Variants in BCAS1 observed in about 807,000 individuals in gnomAD.
BCAS1 encodes the protein breast carcinoma-amplified sequence 1.
BCAS1 carries 46 observed loss-of-function variants against 65.4 expected under a neutral mutation model. The ratio of observed to expected loss-of-function variants is 0.70; its 90% confidence interval spans 0.55 to 0.90. The LOEUF is 0.90. Among genes scored for constraint, BCAS1 ranks in the 40% least tolerant of loss-of-function variants. The probability of loss-of-function intolerance (pLI) is 0.00; values close to 1 mark genes in which losing one functional copy is unlikely to be tolerated. For synonymous variants in BCAS1, 298 were observed against 293.5 expected, an observed-to-expected ratio of 1.02 and a Z score of -0.16; for missense variants, 793 against 771.2, an observed-to-expected ratio of 1.03 and a Z score of -0.33.
intron 8 of BCAS1, among the ~76,000 whole-genome samples, chr20:53,983,569 G>A (rs1428007662): frequency 6.6e-6 from 1 of 152,168 alleles, no homozygotes; most frequent in African/African-American, 2.4e-5. Context: ...ATCTGTAGCA[G>A]CCATGGAAGT....
intron 3 of BCAS1, among the ~76,000 whole-genome samples, chr20:54,043,546 A>G (rs2092040342): frequency 6.6e-6 from 1 of 152,156 alleles, no homozygotes; most frequent in African/African-American, 2.4e-5. Context: ...CAGGGCAGCC[A>G]TCCTTGAAGC....
At chr20:53,996,916 C>T (rs1233247572) in intron 4 of BCAS1, among the ~76,000 whole-genome samples, 1 of 152,200 alleles carries the variant, frequency 6.6e-6, no homozygotes, top group Non-Finnish European at 1.5e-5. Context: ...CATTTTCTGG[C>T]CCACTTTCTT....
In BCAS1 at chr20:53,953,422, A is replaced by C; in HGVS notation, c.1815+10T>G. 4 of 1,612,226 alleles carry C rather than the reference A, an allele frequency of 2.5e-6. No homozygotes were observed. Among genetic ancestry groups the C allele is most frequent in the Non-Finnish European group, 3.4e-6 (4 of 1,179,192 alleles). ...AGCCCAGAAAGAAGAGGCAAAAAAA[A>C]TCCACCTACCAGGCCTTTAAAGAAG... On this transcript the variant is annotated intron_variant, in intron 12 of 12. Coordinates refer to ENST00000688948, the MANE Select transcript of BCAS1 (RefSeq NM_001366298.2).
rs777772152 is a variant in BCAS1 at position 53,953,574 on chromosome 20, T to C, written c.1673A>G (p.Lys558Arg). ...TTCTTTGGCTTCCTGCTTGTTGCTC[T>C]TCTGCTTGTTCATCTCGGCTGCTGA... is the stretch of plus-strand genomic sequence containing the variant. ...KKSAAEMNKQ[K>R]SNKQEAKEPA... Residue 558 changes from lysine (K) to arginine (R), a missense_variant, in exon 12 of 13, where the codon AAG becomes AGG. Lys to Arg is a conservative substitution (Grantham distance 26). Coordinates refer to ENST00000688948, the MANE Select transcript of BCAS1 (RefSeq NM_001366298.2). 16 of 1,613,818 alleles carry C rather than the reference T, an allele frequency of 9.9e-6. No homozygotes were observed. In the South Asian group the frequency reaches 1.6e-4, roughly 17 times the overall value.
At chr20:53,961,830 G>A (rs2089886611) in intron 10 of BCAS1, among the ~76,000 whole-genome samples, 1 of 152,120 alleles carries the variant, frequency 6.6e-6, no homozygotes, top group African/African-American at 2.4e-5. Context: ...ACCAGCTCCC[G>A]GACCGTGGAA....
chr20:54,068,900 A>T (rs1027379570), intron 1 of BCAS1, among the ~76,000 whole-genome samples: 1 of 152,018 alleles, frequency 6.6e-6, no homozygotes, highest in Non-Finnish European at 1.5e-5. Flanking sequence ...GCCTTTTTCA[A>T]TTCCTCTCCC....
At chr20:53,975,251 C>A (rs931543350) in intron 9 of BCAS1, 138 bp downstream of exon 9, 2 of 625,702 alleles carry the variant, frequency 3.2e-6, no homozygotes, top group East Asian at 2.9e-5. Context: ...TAATCACATA[C>A]GGGATAAGAG....
intron 1 of BCAS1, among the ~76,000 whole-genome samples, chr20:54,066,186 C>T (rs1183173088): frequency 6.6e-6 from 1 of 152,078 alleles, no homozygotes; most frequent in Non-Finnish European, 1.5e-5. Context: ...CATTCTCCTG[C>T]CTCAGTCTCC....
chr20:53,985,554 A>G (rs1370824328), intron 7 of BCAS1, 55 bp from the exon 8 acceptor site: 1 of 1,489,524 alleles, frequency 6.7e-7, no homozygotes, highest in Admixed American at 1.7e-5. Context: ...CAAAATTTTA[A>G]AAATGGAAGA....
intron 4 of BCAS1, among the ~76,000 whole-genome samples, chr20:54,002,792 C>T (rs6127054): frequency 0.15 from 22,600 of 152,160 alleles, 1,883 homozygotes; most frequent in East Asian, 0.26. Context: ...TTCCCATAGA[C>T]TGATATTCAA....
intron 1 of BCAS1, among the ~76,000 whole-genome samples, chr20:54,068,082 CT>C (rs1246184098): frequency 1.3e-5 from 2 of 152,206 alleles, no homozygotes; most frequent in Non-Finnish European, 2.9e-5. Flanking sequence ...TACAGGTTGC[CT>C]CCTGTACAAG....
rs2091724160 is a variant in BCAS1, at chr20:54,028,418, G to A, written c.697C>T (p.Gln233Ter). 2 of 1,614,202 alleles carry A rather than the reference G, an allele frequency of 1.2e-6. No individual in the cohort carries two copies. The highest frequency in any genetic ancestry group is 1.7e-6 in the Non-Finnish European group (2 of 1,180,024). ...KVDEVPGLSG[Q>*]SDDVPAGKDI... ...TTCCCTGCAGGGACATCATCGGACT[G>A]CCCTGATAAGCCAGGAACCTCATCC... Residue 233 changes from glutamine (Q) to a stop codon, truncating the protein, a stop_gained, in exon 4 of 13, where the codon CAG (glutamine) becomes TAG (stop). Transcript: ENST00000688948. LOFTEE classifies it high-confidence loss of function.
At chr20:53,947,560 C>T (rs2089366542) in intron 12 of BCAS1, among the ~76,000 whole-genome samples, 1 of 152,138 alleles carries the variant, frequency 6.6e-6, no homozygotes, top group Non-Finnish European at 1.5e-5. Context: ...AGACTGCCAT[C>T]CCACCCGGTC....
chr20:54,017,040 T>C (rs1284325513), intron 4 of BCAS1, among the ~76,000 whole-genome samples: 1 of 152,226 alleles, frequency 6.6e-6, no homozygotes, highest in Non-Finnish European at 1.5e-5. Flanking sequence ...CATTAATCCA[T>C]AGTTATTAAC....
At chr20:54,027,280 C>A (rs1295954437) in intron 4 of BCAS1, among the ~76,000 whole-genome samples, 3 of 152,160 alleles carry the variant, frequency 2.0e-5, no homozygotes, top group African/African-American at 7.2e-5. Flanking sequence ...CGGTGCCCAG[C>A]CTTCATAATG....
intron 9 of BCAS1, among the ~76,000 whole-genome samples, chr20:53,975,056 G>A (rs2090291569): frequency 6.6e-6 from 1 of 152,206 alleles, no homozygotes; most frequent in East Asian, 1.9e-4. Flanking sequence ...AGTCAAGGTG[G>A]AATGAAGCAG....
At chr20:54,038,905 A>G (rs2091943812) in intron 3 of BCAS1, among the ~76,000 whole-genome samples, 1 of 151,454 alleles carries the variant, frequency 6.6e-6, no homozygotes, top group African/African-American at 2.4e-5. Flanking sequence ...TGCTCAGATC[A>G]CACACATGAC....
At chr20:54,054,793 T>C (rs2092271203) in intron 3 of BCAS1, among the ~76,000 whole-genome samples, 1 of 152,244 alleles carries the variant, frequency 6.6e-6, no homozygotes, top group Non-Finnish European at 1.5e-5. Flanking sequence ...CGGCAACTGC[T>C]GTCTCAGACT....
chr20:53,997,100 C>T (rs1007530422), intron 4 of BCAS1, among the ~76,000 whole-genome samples: 11 of 152,196 alleles, frequency 7.2e-5, no homozygotes, highest in Admixed American at 1.3e-4. Context: ...CCACCACTGT[C>T]GTCTCCACCA....
Sources: allele counts gnomAD v4.1 joint callset (sites outside exome capture counted in the v4.1 genomes callset), GRCh38; gene constraint gnomAD v4.1.1; transcripts MANE v1.5; gene names NCBI Gene and HGNC (gene_info 2026-07-23, HGNC 2026-07-21).